The following CBFA2T3 variants were observed in gnomAD, a reference collection of about 807,000 sequenced individuals.
CBFA2T3 encodes the protein CBFA2/RUNX1 partner transcriptional co-repressor 3, also known as transcriptional corepressor CBFA2T3.
CBFA2T3 carries 31 observed loss-of-function variants against 58.6 expected under a neutral mutation model. The observed-to-expected ratio is 0.53, with a 90% CI of 0.40 to 0.71. CBFA2T3 has a LOEUF of 0.71. Among genes scored for constraint, CBFA2T3 ranks in the 30% least tolerant of loss-of-function variants. The pLI, the probability that CBFA2T3 is intolerant of heterozygous loss-of-function variation, is 0.00. For missense variants in CBFA2T3, 1,076 were observed against 963.1 expected, an observed-to-expected ratio of 1.12 and a Z score of -1.55; for synonymous variants, 531 against 421.9, an observed-to-expected ratio of 1.26 and a Z score of -3.17.
At chr16:88,968,892 T>C (rs1206399402) in intron 1 of CBFA2T3, among the ~76,000 whole-genome samples, 2 of 151,862 alleles carry the variant, frequency 1.3e-5, no homozygotes, top group Non-Finnish European at 2.9e-5. Flanking sequence ...GAGTGCCATG[T>C]GACCCCCATG....
chr16:88,909,129 C>A (rs1193605297), intron 1 of CBFA2T3, among the ~76,000 whole-genome samples: 1 of 152,216 alleles, frequency 6.6e-6, no homozygotes, highest in East Asian at 1.9e-4. Context: ...GTTACTCCAG[C>A]CGAACCCTCA....
chr16:88,911,905 G>A (rs1360166256), intron 1 of CBFA2T3, among the ~76,000 whole-genome samples: 1 of 152,266 alleles, frequency 6.6e-6, no homozygotes, highest in Non-Finnish European at 1.5e-5. Context: ...AGCTGTGTGG[G>A]GGAAGCTCTG....
chr16:88,876,141 T>C lies in CBFA2T3; in HGVS notation c.*835A>G, dbSNP rs969830508. On this transcript the variant is annotated 3_prime_UTR_variant, in exon 12 of 12. Coordinates refer to ENST00000268679, the MANE Select transcript of CBFA2T3 (RefSeq NM_005187.6). ...ACAAATTTTGGATTTTGATTTCTTGTGTTTGCTTTTTTGGATTTCCTTTGG... is the reference window on the plus strand; with the variant it reads ...ACAAATTTTGGATTTTGATTTCTTGCGTTTGCTTTTTTGGATTTCCTTTGG... 4.3e-6 allele frequency: 1 copy of C among 232,516 alleles called. No individual in the cohort carries two copies. The highest frequency in any genetic ancestry group is 8.5e-6 in the Non-Finnish European group (1 of 117,412). 14.4% of individuals were successfully genotyped at this position (232,516 alleles called of 1,614,324 possible).
At chr16:88,931,599 G>A (rs1971305671) in intron 1 of CBFA2T3, among the ~76,000 whole-genome samples, 1 of 149,960 alleles carries the variant, frequency 6.7e-6, no homozygotes, top group African/African-American at 2.5e-5. Context: ...GCCAGAGGTG[G>A]AGAAGGGCCG....
chr16:88,877,281 T>TG lies in CBFA2T3; in HGVS notation c.1663-7dup, dbSNP rs1370330149. ...CGCCCGCAGTTCCAGCAGCTCTGGGTGGGGGCAGAGGGGCCAGTCAGGGCT... is the reference window on the plus strand; with the variant it reads ...CGCCCGCAGTTCCAGCAGCTCTGGGTGGGGGGCAGAGGGGCCAGTCAGGGCT... On this transcript the variant is annotated splice_polypyrimidine_tract_variant and splice_region_variant and intron_variant, in intron 11 of 11. Transcript: ENST00000268679. The TG allele has an allele frequency of 1.3e-6, 2 of 1,542,616 alleles. No individual in the cohort carries two copies. Among genetic ancestry groups the TG allele is most frequent in the East Asian group, 4.9e-5 (2 of 40,672 alleles).
At chr16:88,961,982 C>T (rs1597793685) in intron 1 of CBFA2T3, among the ~76,000 whole-genome samples, 1 of 149,936 alleles carries the variant, frequency 6.7e-6, no homozygotes. Flanking sequence ...GTAACCGACA[C>T]TCAGCACTGG....
intron 2 of CBFA2T3, among the ~76,000 whole-genome samples, chr16:88,900,877 C>T (rs369183078): frequency 5.9e-5 from 9 of 152,250 alleles, no homozygotes; most frequent in Non-Finnish European, 1.2e-4. Flanking sequence ...GCGCCAAGCA[C>T]GGCCAACCCC....
At chr16:88,890,971 GGCATCTTTAAAAAT>G (rs1182276983) in intron 5 of CBFA2T3, among the ~76,000 whole-genome samples, 1 of 152,140 alleles carries the variant, frequency 6.6e-6, no homozygotes, top group Non-Finnish European at 1.5e-5. Context: ...TCCTCAGACT[GGCATCTTTAAAAAT>G]GCAGGCTCTG....
chr16:88,921,574 A>G (rs1597729431), intron 1 of CBFA2T3, among the ~76,000 whole-genome samples: 1 of 125,092 alleles, frequency 8.0e-6, no homozygotes, highest in Non-Finnish European at 1.6e-5. Flanking sequence ...CCCCCTGCTC[A>G]CTTCTTGGGC....
chr16:88,961,856 G>C lies in CBFA2T3; in HGVS notation c.151+14801C>G, dbSNP rs1208372166. Among the ~76,000 whole-genome samples, 42 of 106,372 alleles carry C rather than the reference G, an allele frequency of 3.9e-4. 1 individual carries two copies. The highest frequency in any genetic ancestry group is 5.5e-4 in the African/African-American group (15 of 27,284). 69.8% of individuals were successfully genotyped at this position (106,372 alleles called of 152,430 possible). A position where few individuals can be genotyped will look rare whatever the true frequency, so the allele number is the denominator to read the frequency against. ...ACACTCAGCGCTGGACATTCCCACTGCATAGTAACCGACAGTCAGCGCTGG... is the reference window on the plus strand; with the variant it reads ...ACACTCAGCGCTGGACATTCCCACTCCATAGTAACCGACAGTCAGCGCTGG... On this transcript the variant is annotated intron_variant, in intron 1 of 11. Transcript: ENST00000268679.
intron 2 of CBFA2T3, among the ~76,000 whole-genome samples, chr16:88,901,152 G>T (rs566175051): frequency 6.6e-6 from 1 of 152,360 alleles, no homozygotes; most frequent in African/African-American, 2.4e-5. Context: ...TAGGCCTGCC[G>T]GACGAGGCAG....
At chr16:88,973,065 G>C (rs1972695641) in intron 1 of CBFA2T3, among the ~76,000 whole-genome samples, 2 of 152,346 alleles carry the variant, frequency 1.3e-5, no homozygotes, top group Middle Eastern at 3.4e-3. Context: ...AGCAGACACA[G>C]GGCCTGCGGC....
intron 1 of CBFA2T3, among the ~76,000 whole-genome samples, chr16:88,972,982 G>A (rs1972691627): frequency 6.6e-6 from 1 of 152,168 alleles, no homozygotes; most frequent in Admixed American, 6.5e-5. Flanking sequence ...TGCACACACT[G>A]ACCTCCCTGC....
intron 5 of CBFA2T3, chr16:88,886,409 C>T (rs1969378389): frequency 5.5e-6 from 2 of 362,998 alleles, no homozygotes; most frequent in East Asian, 8.4e-5. Flanking sequence ...AGCCCAGATC[C>T]TGGACTCCCA....
At chr16:88,931,888 G>A (rs1567616846) in intron 1 of CBFA2T3, among the ~76,000 whole-genome samples, 1 of 152,082 alleles carries the variant, frequency 6.6e-6, no homozygotes, top group Non-Finnish European at 1.5e-5. Context: ...TTTGGGGAGG[G>A]TAAGCACTTC....
chr16:88,932,134 C>G (rs953307274), intron 1 of CBFA2T3, among the ~76,000 whole-genome samples: 2 of 152,076 alleles, frequency 1.3e-5, no homozygotes, highest in Non-Finnish European at 2.9e-5. Flanking sequence ...CTGCTGTCGT[C>G]GGGAAGACAG....
chr16:88,919,448 G>C (rs1319464367), intron 1 of CBFA2T3, among the ~76,000 whole-genome samples: 1 of 152,212 alleles, frequency 6.6e-6, no homozygotes, highest in African/African-American at 2.4e-5. Context: ...TGCAGCACCA[G>C]GGAACAAGCA....
chr16:88,930,452 C>T (rs914393045), intron 1 of CBFA2T3, among the ~76,000 whole-genome samples: 3 of 152,150 alleles, frequency 2.0e-5, no homozygotes, highest in East Asian at 1.9e-4. Context: ...ACAACCCACG[C>T]GTCCATCAAC....
intron 1 of CBFA2T3, among the ~76,000 whole-genome samples, chr16:88,923,698 G>A (rs1402788338): frequency 1.3e-5 from 2 of 152,120 alleles, no homozygotes; most frequent in Admixed American, 6.6e-5. Context: ...GCTCACACAT[G>A]TCGCTCCTGC....
Sources: gnomAD v4.1 joint callset for allele counts (sites outside exome capture counted in the v4.1 genomes callset) on GRCh38, gnomAD v4.1.1 for gene constraint, MANE v1.5 for transcripts, NCBI Gene and HGNC (gene_info 2026-07-23, HGNC 2026-07-21) for gene names.